SIPA1L1: variants seen among roughly 807,000 people sequenced by gnomAD.
SIPA1L1 encodes the protein signal-induced proliferation-associated 1-like protein 1.
A neutral mutation model predicts 162.7 loss-of-function variants in SIPA1L1; 26 were observed. That is an observed-to-expected ratio of 0.16 (90% CI 0.12 to 0.22). SIPA1L1 has a LOEUF of 0.22. SIPA1L1 is among the 10% of genes least tolerant of loss of function. The probability of loss-of-function intolerance (pLI) is 1.00; values close to 1 mark genes in which losing one functional copy is unlikely to be tolerated. For missense variants in SIPA1L1, 1,874 were observed against 2,241.0 expected (o/e 0.84, Z 3.31); for synonymous variants, 829 against 837.4 (o/e 0.99, Z 0.17).
chr14:71,457,526 T>C (rs1289309178), intron 2 of SIPA1L1, among the ~76,000 whole-genome samples: 1 of 151,670 alleles, frequency 6.6e-6, no homozygotes, highest in Admixed American at 6.6e-5. Flanking sequence ...CTTGAACTCC[T>C]GACCTTGTGA....
chr14:71,530,318 A>C (rs182939480), intron 4 of SIPA1L1, among the ~76,000 whole-genome samples: 145 of 152,246 alleles, frequency 9.5e-4, no homozygotes, highest in African/African-American at 3.2e-3. Flanking sequence ...AGAATAAAAT[A>C]TATCACTTTC....
chr14:71,738,085 G>A lies in SIPA1L1; in HGVS notation c.5124-156G>A, dbSNP rs1183165986. 3.6e-5 allele frequency among the ~76,000 whole-genome samples: 5 copies of A among 137,994 alleles called. No homozygotes were observed. The East Asian group carries it at 1.1e-3, about 31-fold the overall frequency. 90.5% of individuals were successfully genotyped at this position (137,994 alleles called of 152,430 possible). A position where few individuals can be genotyped will look rare whatever the true frequency, so the allele number is the denominator to read the frequency against. On this transcript the variant is annotated intron_variant, in intron 22 of 23. Coordinates refer to ENST00000381232, the MANE Select transcript of SIPA1L1 (RefSeq NM_001386936.1). The stretch of plus-strand genomic sequence containing the variant: ...TAAGACTACCATTTTCTTTTTTAAA[G>A]TAAAAATACTCATTGGGTCGCCATA...
At position 71,329,346 on chromosome 14, in the gene SIPA1L1, G is replaced by A. The variant is rs1186322439; in HGVS notation, c.-465+8165G>A. ...AACCTCCATACTGTTTTTCGTAGTTGTACCATTTTACAATCTCATCAACAG... is the reference window on the plus strand; with the variant it reads ...AACCTCCATACTGTTTTTCGTAGTTATACCATTTTACAATCTCATCAACAG... On this transcript the variant is annotated intron_variant, in intron 2 of 23. Coordinates refer to ENST00000381232, the MANE Select transcript of SIPA1L1 (RefSeq NM_001386936.1). 2.7e-5 allele frequency among the ~76,000 whole-genome samples: 4 copies of A among 150,164 alleles called. No homozygotes were observed. In the East Asian group the frequency reaches 7.7e-4, roughly 29 times the overall value.
chr14:71,670,126 G>A (rs117461508), intron 10 of SIPA1L1, among the ~76,000 whole-genome samples: 209 of 152,284 alleles, frequency 1.4e-3, no homozygotes, highest in Non-Finnish European at 2.5e-3. Context: ...GATCTTCGAT[G>A]TGTTAGAATC....
At chr14:71,506,905 C>T (rs1358877258) in intron 2 of SIPA1L1, among the ~76,000 whole-genome samples, 1 of 150,744 alleles carries the variant, frequency 6.6e-6, no homozygotes, top group African/African-American at 2.4e-5. Context: ...CTCAAGCGTT[C>T]CACCCACCTC....
At chr14:71,324,517 T>C (rs978925204) in intron 2 of SIPA1L1, among the ~76,000 whole-genome samples, 1 of 152,180 alleles carries the variant, frequency 6.6e-6, no homozygotes, top group African/African-American at 2.4e-5. Flanking sequence ...GAACGATCTG[T>C]GGTGAGGTTG....
At chr14:71,598,324 A>G in intron 5 of SIPA1L1, 13 of 552,106 alleles carry the variant, frequency 2.4e-5, no homozygotes, top group Non-Finnish European at 3.0e-5. Flanking sequence ...GATTTGCATG[A>G]TCTCCAGGTA....
At chr14:71,383,760 C>A (rs772393635) in intron 2 of SIPA1L1, among the ~76,000 whole-genome samples, 1 of 152,034 alleles carries the variant, frequency 6.6e-6, no homozygotes, top group Non-Finnish European at 1.5e-5. Flanking sequence ...AGCCAGAACT[C>A]ACTTATCACC....
At chr14:71,603,954 TATATATTTATATATAG>T (rs1208310306) in intron 5 of SIPA1L1, among the ~76,000 whole-genome samples, 9 of 145,378 alleles carry the variant, frequency 6.2e-5, no homozygotes, top group African/African-American at 1.0e-4. Context: ...TATATATTTA[TATATATTTATATATAG>T]ATATATTTAT....
chr14:71,418,049 A>G (rs2042934008), intron 2 of SIPA1L1: 1 of 152,182 alleles, frequency 6.6e-6, no homozygotes, highest in African/African-American at 2.4e-5. Context: ...ACTCTTTCGT[A>G]TTTACTAATG....
At chr14:71,490,129 ATAGT>A (rs527967016) in intron 2 of SIPA1L1, among the ~76,000 whole-genome samples, 177 of 152,360 alleles carry the variant, frequency 1.2e-3, no homozygotes, top group African/African-American at 3.8e-3. Flanking sequence ...TTGCATAGAT[ATAGT>A]TAAATTATTG....
intron 14 of SIPA1L1, 172 bp from the exon 15 acceptor site, chr14:71,702,209 A>G: frequency 3.2e-6 from 2 of 629,492 alleles, no homozygotes; most frequent in South Asian, 2.0e-5. Flanking sequence ...ACCACAACAT[A>G]CACATTTCCA....
chr14:71,539,821 C>T (rs994372637), intron 4 of SIPA1L1, among the ~76,000 whole-genome samples: 9 of 152,160 alleles, frequency 5.9e-5, no homozygotes, highest in African/African-American at 2.2e-4. Flanking sequence ...GGGAGGGGGG[C>T]ATTTCCTTCC....
intron 16 of SIPA1L1, among the ~76,000 whole-genome samples, chr14:71,707,826 C>T (rs776804216): frequency 6.6e-6 from 1 of 151,814 alleles, no homozygotes; most frequent in Non-Finnish European, 1.5e-5. Flanking sequence ...TATATACCAA[C>T]GTAGAATTGC....
chr14:71,560,476 G>T (rs1369578091), intron 4 of SIPA1L1, among the ~76,000 whole-genome samples: 2 of 152,192 alleles, frequency 1.3e-5, no homozygotes, highest in African/African-American at 4.8e-5. Context: ...AAGGTAGCAG[G>T]TAAAGGCTAG....
intron 2 of SIPA1L1, among the ~76,000 whole-genome samples, chr14:71,338,903 C>T (rs1416445655): frequency 1.3e-5 from 2 of 151,918 alleles, no homozygotes; most frequent in Admixed American, 1.3e-4. Flanking sequence ...CCACACCCGG[C>T]TTCTTTTTGT....
intron 2 of SIPA1L1, among the ~76,000 whole-genome samples, chr14:71,455,326 T>C (rs1198229967): frequency 1.3e-5 from 2 of 152,208 alleles, no homozygotes; most frequent in Admixed American, 6.5e-5. Context: ...AATGATTGTT[T>C]TTCTTGCTTT....
At chr14:71,520,942 TG>T (rs1231831244) in intron 3 of SIPA1L1, among the ~76,000 whole-genome samples, 1 of 152,026 alleles carries the variant, frequency 6.6e-6, no homozygotes, top group East Asian at 1.9e-4. Flanking sequence ...TTTGTACGGA[TG>T]GGGTTTCGCC....
intron 7 of SIPA1L1, among the ~76,000 whole-genome samples, chr14:71,635,059 C>T (rs946943560): frequency 6.6e-6 from 1 of 151,822 alleles, no homozygotes; most frequent in Non-Finnish European, 1.5e-5. Context: ...GGGTGGGTCA[C>T]CTGACATCAG....
Sources: gnomAD v4.1 joint callset for allele counts (sites outside exome capture counted in the v4.1 genomes callset) on GRCh38, gnomAD v4.1.1 for gene constraint, MANE v1.5 for transcripts, NCBI Gene and HGNC (gene_info 2026-07-23, HGNC 2026-07-21) for gene names.